EGR3: variants seen among roughly 807,000 people sequenced by gnomAD.
EGR3 encodes early growth response protein 3.
In EGR3, 4 loss-of-function variants were observed where a neutral mutation model predicts 22.4. The observed-to-expected ratio is 0.18, with a 90% CI of 0.09 to 0.41. The LOEUF (loss-of-function observed/expected upper bound fraction) is 0.41, where lower values mean the gene tolerates loss of function less well. EGR3 is among the 10% of genes least tolerant of loss of function. The pLI is 1.00. For synonymous variants in EGR3, 219 were observed against 226.8 expected (o/e 0.97, Z 0.31); for missense variants, 315 against 541.3 (o/e 0.58, Z 4.15).
intron 1 of EGR3, 127 bp from the exon 2 acceptor site, chr8:22,691,609 G>A (rs1803961492): frequency 2.1e-6 from 3 of 1,452,480 alleles, no homozygotes; most frequent in South Asian, 2.7e-5. Flanking sequence ...TGGGGTAAGA[G>A]GAACGCTGAG....
At position 22,692,737 on chromosome 8, in the gene EGR3, C is replaced by T; in HGVS notation, c.154+54G>A. 6.2e-7 allele frequency: 1 copy of T among 1,603,632 alleles called. No homozygotes were observed. The highest frequency in any genetic ancestry group is 1.1e-5 in the South Asian group (1 of 90,754). On this transcript the variant is annotated intron_variant, in intron 1 of 1. Transcript: ENST00000317216. The surrounding 1 kb of genome is among the most constrained non-coding windows in gnomAD (Gnocchi z 6.2). ...TCCATCACCAGGTCGTCCCCTCCTC[C>T]TCTTCCTCTCCCCTTCCTTCCTCGC... is the stretch of plus-strand genomic sequence containing the variant.
At position 22,692,977 on chromosome 8, in the gene EGR3, G is replaced by A; in HGVS notation, c.-33C>T. On this transcript the variant is annotated 5_prime_UTR_variant, in exon 1 of 2. Transcript: ENST00000317216. The surrounding 1 kb of genome is among the most constrained non-coding windows in gnomAD (Gnocchi z 6.2). ...CCGAGCTGCCGCCGCCGCCGCCACCGCCGCCACCGCCGCCGCTCGCTCCTA... is the reference window on the plus strand; with the variant it reads ...CCGAGCTGCCGCCGCCGCCGCCACCACCGCCACCGCCGCCGCTCGCTCCTA... 6.3e-7 allele frequency: 1 copy of A among 1,589,882 alleles called. No individual in the cohort carries two copies. Among genetic ancestry groups the A allele is most frequent in the Non-Finnish European group, 8.5e-7 (1 of 1,172,488 alleles).
Position 22,692,241 on chromosome 8 carries a change from C to T in EGR3, c.154+550G>A, listed in dbSNP as rs1016553219. On this transcript the variant is annotated intron_variant, in intron 1 of 1. Transcript: ENST00000317216. This position sits in a 1 kb window ranked among gnomAD's most constrained non-coding sequence, Gnocchi z 6.2. Reference sequence around the variant, plus strand: ...CCCGCGGGTGAACCCCCTCCTTCTCCCCGCCGTCCCCACACCCCCACGGCT... The same window carrying T: ...CCCGCGGGTGAACCCCCTCCTTCTCTCCGCCGTCCCCACACCCCCACGGCT... The T allele has an allele frequency of 1.4e-6, 2 of 1,469,974 alleles. No individual in the cohort carries two copies. Among genetic ancestry groups the T allele is most frequent in the Admixed American group, 5.0e-5 (2 of 40,380 alleles). 91.1% of individuals were successfully genotyped at this position (1,469,974 alleles called of 1,614,324 possible).
rs760733870 is a variant in EGR3, at chr8:22,691,393, T to G, written c.244A>C (p.Thr82Pro). ...GCGAACTTTCCCAAGTAGGTCACGG[T>G]CTTGTTGCCGGGGGCTGGCTGGAAG... ...GSFQPAPGNK[T>P]VTYLGKFAFD... Residue 82 changes from threonine to proline, a missense_variant, in exon 2 of 2, where the codon ACC becomes CCC. Around this residue, in one of 4 missense-constraint regions of EGR3, gnomAD observed 227 missense variants for 303.6 expected, o/e 0.75. Transcript: ENST00000317216. The G allele has an allele frequency of 4.3e-6, 7 of 1,613,698 alleles. No homozygotes were observed. The highest frequency in any genetic ancestry group is 5.9e-6 in the Non-Finnish European group (7 of 1,179,960).
Position 22,691,534 on chromosome 8 carries a change from C to T in EGR3, c.155-52G>A, listed in dbSNP as rs1045996294. 10 of 1,584,746 alleles carry T rather than the reference C, an allele frequency of 6.3e-6. No homozygotes were observed. The East Asian group carries it at 9.0e-5, about 14-fold the overall frequency. ...GGGGTGAGTGAAGCCGATCCGGCTCCGGGCCGCGGCGCCCAGGTCCTTGCC... is the reference window on the plus strand; with the variant it reads ...GGGGTGAGTGAAGCCGATCCGGCTCTGGGCCGCGGCGCCCAGGTCCTTGCC... On this transcript the variant is annotated intron_variant, in intron 1 of 1. Transcript: ENST00000317216.
chr8:22,692,850 G>A lies in EGR3; in HGVS notation c.95C>T (p.Ala32Val), dbSNP rs1293727661. ...DNLYPEEIPS[A>V]LNLFSGSSDS... ...GCTGCTGCCGGAGAAGAGGTTGAGC[G>A]CGCTGGGGATCTCCTCGGGGTACAG... Residue 32 changes from alanine (A) to valine (V), a missense_variant, in exon 1 of 2, where the codon GCG becomes GTG. Ala to Val is a moderately conservative substitution (Grantham distance 64). Around this residue, in one of 4 missense-constraint regions of EGR3, gnomAD observed 227 missense variants for 303.6 expected, o/e 0.75. Transcript: ENST00000317216. The surrounding 1 kb of genome is among the most constrained non-coding windows in gnomAD (Gnocchi z 6.2). 1.2e-6 allele frequency: 2 copies of A among 1,613,444 alleles called. No individual in the cohort carries two copies. Among genetic ancestry groups the A allele is most frequent in the Non-Finnish European group, 1.7e-6 (2 of 1,179,854 alleles).
rs1206662822 is a variant in EGR3, at chr8:22,691,479, T to C, written c.158A>G (p.Asn53Ser). 1 of 1,613,342 alleles carries C rather than the reference T, an allele frequency of 6.2e-7. No individual in the cohort carries two copies. Among genetic ancestry groups the C allele is most frequent in the East Asian group, 2.2e-5 (1 of 44,868 alleles). Residue 53 changes from asparagine (N) to serine (S), a missense_variant, in exon 2 of 2, where the codon AAT becomes AGT. This residue lies in a region of EGR3 where 227 missense variants were observed against 303.6 expected (regional missense o/e 0.75). Transcript: ENST00000317216. Reference protein sequence around the residue: ...VVHYNQMATENVMDIGLTNEK... With the variant: ...VVHYNQMATESVMDIGLTNEK... The stretch of plus-strand genomic sequence containing the variant: ...GTTGGTCAGACCGATGTCCATTACA[T>C]TCTCTGCGGAGAGCGGGGGAGAGAG...
Position 22,690,901 on chromosome 8 carries a change from G to A in EGR3, c.736C>T (p.Leu246=). The A allele has an allele frequency of 6.3e-7, 1 of 1,577,988 alleles. No homozygotes were observed. The highest frequency in any genetic ancestry group is 8.6e-7 in the Non-Finnish European group (1 of 1,159,770). ...DKQIHPGFGS[L]PQPPLTLKPI... ...TTGAGGGTGAGCGGCGGCTGGGGCA[G>A]GCTGCCAAAGCCCGGGTGGATCTGC... The change falls in exon 2 of 2, where the codon CTG becomes TTG. Residue 246 remains leucine (L), a synonymous_variant. Coordinates refer to ENST00000317216, the MANE Select transcript of EGR3 (RefSeq NM_004430.3).
chr8:22,692,996 G>A lies in EGR3; in HGVS notation c.-52C>T, dbSNP rs1804022808. 5 of 1,533,890 alleles carry A rather than the reference G, an allele frequency of 3.3e-6. No individual in the cohort carries two copies. Among genetic ancestry groups the A allele is most frequent in the South Asian group, 1.1e-5 (1 of 87,894 alleles). On this transcript the variant is annotated 5_prime_UTR_variant, in exon 1 of 2. Coordinates refer to ENST00000317216, the MANE Select transcript of EGR3 (RefSeq NM_004430.3). This position sits in a 1 kb window ranked among gnomAD's most constrained non-coding sequence, Gnocchi z 6.2. The stretch of plus-strand genomic sequence containing the variant: ...GCCACCGCCGCCACCGCCGCCGCTC[G>A]CTCCTAACGCAGCTTCCAGGCAAGC...
chr8:22,691,261 T>G lies in EGR3; in HGVS notation c.376A>C (p.Thr126Pro), dbSNP rs1242834683. ...ASGALSTQTS[T>P]ASMVQPPQGD... ...TGCGGTGGCTGCACCATGCTGGCCGTGGACGTCTGCGTGCTGAGCGCCCCT... is the reference window on the plus strand; with the variant it reads ...TGCGGTGGCTGCACCATGCTGGCCGGGGACGTCTGCGTGCTGAGCGCCCCT... Residue 126 changes from threonine (T) to proline (P), a missense_variant, in exon 2 of 2, where the codon ACG (threonine) becomes CCG (proline). Coordinates refer to ENST00000317216, the MANE Select transcript of EGR3 (RefSeq NM_004430.3). The G allele has an allele frequency of 6.2e-7, 1 of 1,613,838 alleles. No individual in the cohort carries two copies. Among genetic ancestry groups the G allele is most frequent in the African/African-American group, 1.3e-5 (1 of 74,904 alleles).
chr8:22,692,225 G>T lies in EGR3; in HGVS notation c.154+566C>A. 1 of 1,441,510 alleles carries T rather than the reference G, an allele frequency of 6.9e-7. No individual in the cohort carries two copies. Among genetic ancestry groups the T allele is most frequent in the South Asian group, 1.4e-5 (1 of 71,474 alleles). 89.3% of individuals were successfully genotyped at this position (1,441,510 alleles called of 1,614,324 possible). Reference sequence around the variant, plus strand: ...CGTGGCAGGCCCTCGCCCCGCGGGTGAACCCCCTCCTTCTCCCCGCCGTCC... The same window carrying T: ...CGTGGCAGGCCCTCGCCCCGCGGGTTAACCCCCTCCTTCTCCCCGCCGTCC... On this transcript the variant is annotated intron_variant, in intron 1 of 1. Transcript: ENST00000317216. The surrounding 1 kb of genome is among the most constrained non-coding windows in gnomAD (Gnocchi z 6.2).
At position 22,692,979 on chromosome 8, in the gene EGR3, C is replaced by G; in HGVS notation, c.-35G>C. 6.3e-7 allele frequency: 1 copy of G among 1,592,468 alleles called. No individual in the cohort carries two copies. Among genetic ancestry groups the G allele is most frequent in the Non-Finnish European group, 8.5e-7 (1 of 1,173,372 alleles). On this transcript the variant is annotated 5_prime_UTR_variant, in exon 1 of 2. Transcript: ENST00000317216. The surrounding 1 kb of genome is among the most constrained non-coding windows in gnomAD (Gnocchi z 6.2). ...GAGCTGCCGCCGCCGCCGCCACCGC[C>G]GCCACCGCCGCCGCTCGCTCCTAAC...
At position 22,690,119 on chromosome 8, in the gene EGR3, G is replaced by T. The variant is rs1803893997; in HGVS notation, c.*354C>A. 1 of 319,614 alleles carries T rather than the reference G, an allele frequency of 3.1e-6. No individual in the cohort carries two copies. Among genetic ancestry groups the T allele is most frequent in the Non-Finnish European group, 5.8e-6 (1 of 172,962 alleles). The allele number at this position is 319,614 out of a possible 1,614,324, so 19.8% of individuals were successfully genotyped here. A position where few individuals can be genotyped will look rare whatever the true frequency, so the allele number is the denominator to read the frequency against. ...GGAAACAATGAGGTGTTTGGGTCGG[G>T]CGAGGGTTGGATGGGCTCCGCCTTC... On this transcript the variant is annotated 3_prime_UTR_variant, in exon 2 of 2. Coordinates refer to ENST00000317216, the MANE Select transcript of EGR3 (RefSeq NM_004430.3).
chr8:22,691,535 G>C lies in EGR3; in HGVS notation c.155-53C>G, dbSNP rs574137494. ...GGGTGAGTGAAGCCGATCCGGCTCC[G>C]GGCCGCGGCGCCCAGGTCCTTGCCC... is the stretch of plus-strand genomic sequence containing the variant. On this transcript the variant is annotated intron_variant, in intron 1 of 1. Coordinates refer to ENST00000317216, the MANE Select transcript of EGR3 (RefSeq NM_004430.3). 2.9e-5 allele frequency: 46 copies of C among 1,585,102 alleles called. No homozygotes were observed. The Middle Eastern group carries it at 7.5e-4, about 26-fold the overall frequency.
In EGR3 at chr8:22,692,253, A is replaced by G; in HGVS notation, c.154+538T>C. On this transcript the variant is annotated intron_variant, in intron 1 of 1. Transcript: ENST00000317216. This position sits in a 1 kb window ranked among gnomAD's most constrained non-coding sequence, Gnocchi z 6.2. ...CCCCCTCCTTCTCCCCGCCGTCCCC[A>G]CACCCCCACGGCTTTGCTGAACGCC... 6.9e-7 allele frequency: 1 copy of G among 1,458,214 alleles called. No homozygotes were observed. Among genetic ancestry groups the G allele is most frequent in the Non-Finnish European group, 9.0e-7 (1 of 1,109,264 alleles). The allele number at this position is 1,458,214 out of a possible 1,614,324, so 90.3% of individuals were successfully genotyped here. A position where few individuals can be genotyped will look rare whatever the true frequency, so the allele number is the denominator to read the frequency against.
Position 22,691,453 on chromosome 8 carries a change from C to T in EGR3, c.184G>A (p.Glu62Lys). The T allele has an allele frequency of 6.2e-7, 1 of 1,614,076 alleles. No homozygotes were observed. The highest frequency in any genetic ancestry group is 8.5e-7 in the Non-Finnish European group (1 of 1,180,020). ...ENVMDIGLTN[E>K]KPNPELSYSG... is the part of the protein sequence containing the mutation. ...TAAGAGAGTTCCGGGTTGGGCTTCT[C>T]GTTGGTCAGACCGATGTCCATTACA... Residue 62 changes from glutamate (E) to lysine (K), a missense_variant, in exon 2 of 2, where the codon GAG (glutamate) becomes AAG (lysine). Coordinates refer to ENST00000317216, the MANE Select transcript of EGR3 (RefSeq NM_004430.3).
At position 22,692,687 on chromosome 8, in the gene EGR3, A is replaced by T; in HGVS notation, c.154+104T>A. On this transcript the variant is annotated intron_variant, in intron 1 of 1. Coordinates refer to ENST00000317216, the MANE Select transcript of EGR3 (RefSeq NM_004430.3). This position sits in a 1 kb window ranked among gnomAD's most constrained non-coding sequence, Gnocchi z 6.2. ...TATCCACCCATCCACCCATCCATCC[A>T]TCCATCCATCCATCCATCCATCCAT... 1 of 1,441,026 alleles carries T rather than the reference A, an allele frequency of 6.9e-7. No individual in the cohort carries two copies. The highest frequency in any genetic ancestry group is 2.4e-5 in the East Asian group (1 of 41,386). The allele number at this position is 1,441,026 out of a possible 1,614,324, so 89.3% of individuals were successfully genotyped here. A position where few individuals can be genotyped will look rare whatever the true frequency, so the allele number is the denominator to read the frequency against.
Position 22,692,718 on chromosome 8 carries a change from A to G in EGR3, c.154+73T>C. On this transcript the variant is annotated intron_variant, in intron 1 of 1. Coordinates refer to ENST00000317216, the MANE Select transcript of EGR3 (RefSeq NM_004430.3). The surrounding 1 kb of genome is among the most constrained non-coding windows in gnomAD (Gnocchi z 6.2). ...CCATCCATCCATCCATCCATCCATC[A>G]CCAGGTCGTCCCCTCCTCCTCTTCC... 6.7e-7 allele frequency: 1 copy of G among 1,498,506 alleles called. No individual in the cohort carries two copies. The highest frequency in any genetic ancestry group is 1.8e-5 in the Admixed American group (1 of 56,164). The allele number at this position is 1,498,506 out of a possible 1,614,324, so 92.8% of individuals were successfully genotyped here.
At position 22,692,352 on chromosome 8, in the gene EGR3, A is replaced by G; in HGVS notation, c.154+439T>C. 6.7e-7 allele frequency: 1 copy of G among 1,495,432 alleles called. No homozygotes were observed. The highest frequency in any genetic ancestry group is 8.8e-7 in the Non-Finnish European group (1 of 1,129,982). The allele number at this position is 1,495,432 out of a possible 1,614,324, so 92.6% of individuals were successfully genotyped here. A position where few individuals can be genotyped will look rare whatever the true frequency, so the allele number is the denominator to read the frequency against. ...CGCACATGGCTCCATCCCGGGTGGGAGGCTGAGGGAGTAAGGGGGGAGAGC... is the reference window on the plus strand; with the variant it reads ...CGCACATGGCTCCATCCCGGGTGGGGGGCTGAGGGAGTAAGGGGGGAGAGC... On this transcript the variant is annotated intron_variant, in intron 1 of 1. Coordinates refer to ENST00000317216, the MANE Select transcript of EGR3 (RefSeq NM_004430.3). The surrounding 1 kb of genome is among the most constrained non-coding windows in gnomAD (Gnocchi z 6.2).
Sources: allele counts gnomAD v4.1 joint callset, GRCh38; gene constraint gnomAD v4.1.1; regional missense constraint gnomAD v4.1.1; non-coding constraint Gnocchi (gnomAD v3.1); transcripts MANE v1.5; gene names NCBI Gene and HGNC (gene_info 2026-07-23, HGNC 2026-07-21).